The following NADSYN1 variants were observed in gnomAD, a reference collection of about 807,000 sequenced individuals.
NADSYN1 encodes the protein glutamine-dependent NAD(+) synthetase.
Under a neutral mutation model 99.3 loss-of-function variants are expected in NADSYN1, and 80 were observed. The ratio of observed to expected loss-of-function variants is 0.81; its 90% CI spans 0.67 to 0.97. NADSYN1 has a LOEUF of 0.97. Ranked by LOEUF, NADSYN1 falls within the 50% of genes least tolerant of loss-of-function variation. The pLI, the probability that NADSYN1 is intolerant of heterozygous loss-of-function variation, is 0.00. For missense variants in NADSYN1, 859 were observed against 948.5 expected (o/e 0.91, Z 1.24); for synonymous variants, 385 against 372.1 (o/e 1.03, Z -0.40).
At chr11:71,470,076 G>A (rs753541082) in intron 5 of NADSYN1, among the ~76,000 whole-genome samples, 62 of 152,198 alleles carry the variant, frequency 4.1e-4, no homozygotes, top group Non-Finnish European at 7.5e-4. Flanking sequence ...GGCAGAAGGC[G>A]AAAGCCATGT....
In NADSYN1 at chr11:71,473,678, A is replaced by C. The variant is rs528934110; in HGVS notation, c.658A>C (p.Thr220Pro). The change falls in exon 8 of 21, where the codon ACC (threonine) becomes CCC (proline). Residue 220 changes from threonine to proline, a missense_variant. By Grantham distance (38) the Thr-to-Pro change is conservative. Transcript: ENST00000319023. ...NTRVDLVTMV[T>P]SKNGGIYLLA... ...CAGGGTGGATCTCGTGACTATGGTC[A>C]CCAGCAAGGTAGGGGCTGGGCCAGG... The C allele has an allele frequency of 9.9e-6, 16 of 1,611,444 alleles. No homozygotes were observed. In the African/African-American group the frequency reaches 2.1e-4, roughly 21 times the overall value.
Position 71,501,451 on chromosome 11 carries a change from A to AG in NADSYN1, c.*101dup. 1.7e-6 allele frequency: 2 copies of AG among 1,176,184 alleles called. No individual in the cohort carries two copies. The highest frequency in any genetic ancestry group is 4.7e-5 in the Admixed American group (2 of 42,522). The allele number at this position is 1,176,184 out of a possible 1,614,324, so 72.9% of individuals were successfully genotyped here. A position where few individuals can be genotyped will look rare whatever the true frequency, so the allele number is the denominator to read the frequency against. Reference sequence around the variant, plus strand: ...GGTAGGAGCCCTACACTAGGAGCCCAGGATGGGACGGCGCATCAGCCGAGA... The same window carrying AG: ...GGTAGGAGCCCTACACTAGGAGCCCAGGGATGGGACGGCGCATCAGCCGAGA... On this transcript the variant is annotated 3_prime_UTR_variant, in exon 21 of 21. Transcript: ENST00000319023.
intron 3 of NADSYN1, among the ~76,000 whole-genome samples, chr11:71,461,923 G>A (rs1949553319): frequency 1.3e-5 from 2 of 152,228 alleles, no homozygotes; most frequent in South Asian, 4.1e-4. Context: ...AGGAATAGAA[G>A]CCATGATGGA....
In NADSYN1 at chr11:71,497,601, C is replaced by A. The variant is rs767296444; in HGVS notation, c.1883C>A (p.Thr628Asn). The A allele has an allele frequency of 1.2e-5, 20 of 1,613,976 alleles. No homozygotes were observed. The highest frequency in any genetic ancestry group is 1.0e-5 in the Non-Finnish European group (12 of 1,180,020). ...CTCGGCATGTGGAGACACATCTGCACCCCGAGACAGGTAAAGCCTGTGAGA... is the reference window on the plus strand; with the variant it reads ...CTCGGCATGTGGAGACACATCTGCAACCCGAGACAGGTAAAGCCTGTGAGA... ...KLLGMWRHIC[T>N]PRQVADKVKR... The change falls in exon 19 of 21, where the codon ACC (threonine) becomes AAC (asparagine). Residue 628 changes from threonine to asparagine, a missense_variant. By Grantham distance (65) the Thr-to-Asn change is moderately conservative. Coordinates refer to ENST00000319023, the MANE Select transcript of NADSYN1 (RefSeq NM_018161.5).
At chr11:71,474,935 A>G in intron 9 of NADSYN1, 2 of 295,596 alleles carry the variant, frequency 6.8e-6, no homozygotes, top group Non-Finnish European at 1.4e-5. Context: ...GCGTTCCCAC[A>G]GTGCGGGAGG....
chr11:71,456,014 G>A lies in NADSYN1; in HGVS notation c.146+844G>A, dbSNP rs558639748. On this transcript the variant is annotated intron_variant, in intron 2 of 20. Transcript: ENST00000319023. ...GCGATAGTCCTTTCTCATTTTGGAT[G>A]TCAGCTGCCATCTGTGCTCTGCTAG... 5.9e-5 allele frequency among the ~76,000 whole-genome samples: 9 copies of A among 152,342 alleles called. No individual in the cohort carries two copies. The East Asian group carries it at 1.3e-3, about 23-fold the overall frequency.
intron 1 of NADSYN1, among the ~76,000 whole-genome samples, chr11:71,454,154 A>G (rs933376996): frequency 6.6e-6 from 1 of 152,226 alleles, no homozygotes; most frequent in South Asian, 2.1e-4. Context: ...TGCCAGGAAC[A>G]ATAGAAACAG....
At chr11:71,487,540 TAAAC>T (rs1376792463) in intron 16 of NADSYN1, among the ~76,000 whole-genome samples, 1 of 151,874 alleles carries the variant, frequency 6.6e-6, no homozygotes, top group South Asian at 2.1e-4. Flanking sequence ...ATTTAGAAAA[TAAAC>T]AAACGGGCTG....
rs199888316 is a variant in NADSYN1 at position 71,466,973 on chromosome 11, T to TG, written c.407+2838dup. Among the ~76,000 whole-genome samples the TG allele has an allele frequency of 1.2e-3, 180 of 150,126 alleles. 1 individual carries two copies. In the East Asian group the frequency reaches 0.022, roughly 18 times the overall value. On this transcript the variant is annotated intron_variant, in intron 5 of 20. Coordinates refer to ENST00000319023, the MANE Select transcript of NADSYN1 (RefSeq NM_018161.5). Reference sequence around the variant, plus strand: ...GTTGATAACTTCATGGAACTGGAGGTGGGGGGGTGGGCAGGAGATCCAATA... The same window carrying TG: ...GTTGATAACTTCATGGAACTGGAGGTGGGGGGGGTGGGCAGGAGATCCAATA...
chr11:71,480,786 A>G lies in NADSYN1; in HGVS notation c.905A>G (p.Lys302Arg). The change falls in exon 11 of 21, where the codon AAG (lysine) becomes AGG (arginine). Residue 302 changes from lysine to arginine, a missense_variant. Transcript: ENST00000319023. ...ASRASPYPRV[K>R]VDFALSCHED... The stretch of plus-strand genomic sequence containing the variant: ...AGGGCGAGCCCCTACCCCAGAGTGA[A>G]GGTGGACTTTGCCCTCTCGTGCCAC... 1 of 1,614,168 alleles carries G rather than the reference A, an allele frequency of 6.2e-7. No homozygotes were observed. The highest frequency in any genetic ancestry group is 8.5e-7 in the Non-Finnish European group (1 of 1,180,020).
At chr11:71,500,948 C>T (rs977342111) in intron 20 of NADSYN1, among the ~76,000 whole-genome samples, 2 of 152,166 alleles carry the variant, frequency 1.3e-5, no homozygotes, top group African/African-American at 4.8e-5. Flanking sequence ...GCTCTGGCCT[C>T]TGTAGTGGGA....
At chr11:71,473,502 G>A (rs1302505794) in intron 7 of NADSYN1, 67 bp from the exon 8 acceptor site, 2 of 1,539,222 alleles carry the variant, frequency 1.3e-6, no homozygotes, top group South Asian at 1.1e-5. Context: ...AGAGTGCAAG[G>A]GGCTGCCAGG....
At chr11:71,469,927 G>GGAAAAAAAAAAAA (rs1555149512) in intron 5 of NADSYN1, among the ~76,000 whole-genome samples, 1 of 109,180 alleles carries the variant, frequency 9.2e-6, no homozygotes, top group Non-Finnish European at 1.7e-5. Flanking sequence ...GCCTGTCTCA[G>GGAAAAAAAAAAAA]AAAAAAAAAA....
At chr11:71,456,203 G>T (rs966961272) in intron 2 of NADSYN1, among the ~76,000 whole-genome samples, 2 of 152,214 alleles carry the variant, frequency 1.3e-5, no homozygotes, top group Non-Finnish European at 2.9e-5. Context: ...CTTTCTCTAA[G>T]TCCTTCCAAG....
rs953559015 is a variant in NADSYN1, at chr11:71,478,628, G to A, written c.873+159G>A. ...AGCGTGGAAAGGGGCTGGTGCCGCA[G>A]ACAGAACCTGCTTCCATCTGTTCCC... On this transcript the variant is annotated intron_variant, in intron 10 of 20. Transcript: ENST00000319023. 9.2e-6 allele frequency: 6 copies of A among 649,330 alleles called. No homozygotes were observed. The African/African-American group carries it at 1.1e-4, about 12-fold the overall frequency. 40.2% of individuals were successfully genotyped at this position (649,330 alleles called of 1,614,324 possible). A position where few individuals can be genotyped will look rare whatever the true frequency, so the allele number is the denominator to read the frequency against.
intron 6 of NADSYN1, 61 bp from the exon 7 acceptor site, chr11:71,473,217 G>A: frequency 2.0e-6 from 3 of 1,504,202 alleles, no homozygotes; most frequent in Non-Finnish European, 2.8e-6. Context: ...GCCCTAGGTA[G>A]TGCGTGGCCC....
intron 4 of NADSYN1, 49 bp downstream of exon 4, chr11:71,463,534 G>T (rs776237796): frequency 3.2e-6 from 5 of 1,573,488 alleles, no homozygotes; most frequent in Non-Finnish European, 4.4e-6. Context: ...CCTCTCCCTG[G>T]CTCTCAGCTG....
At chr11:71,479,067 A>G (rs555978706) in intron 10 of NADSYN1, 1 of 156,340 alleles carries the variant, frequency 6.4e-6, no homozygotes, top group African/African-American at 2.4e-5. Context: ...GATGCTCATA[A>G]CAGAGCGGAC....
At chr11:71,464,368 G>A (rs138369608) in intron 5 of NADSYN1, 82 of 486,062 alleles carry the variant, frequency 1.7e-4, no homozygotes, top group Non-Finnish European at 2.6e-4. Context: ...GAGCAGCCCC[G>A]GCAGGGGCTC....
Sources: gnomAD v4.1 joint callset for allele counts (sites outside exome capture counted in the v4.1 genomes callset) on GRCh38, gnomAD v4.1.1 for gene constraint, MANE v1.5 for transcripts, NCBI Gene and HGNC (gene_info 2026-07-23, HGNC 2026-07-21) for gene names.